Variants in TMEM68 observed in about 807,000 individuals in gnomAD.
The protein encoded by TMEM68 is DGAT1/2-independent enzyme synthesizing storage lipids.
A neutral mutation model predicts 36.9 loss-of-function variants in TMEM68; 25 were observed. That is an observed-to-expected ratio of 0.68 (90% CI 0.49 to 0.95). TMEM68 has a LOEUF of 0.95. Among genes scored for constraint, TMEM68 ranks in the 40% least tolerant of loss-of-function variants. The pLI, the probability that TMEM68 is intolerant of heterozygous loss-of-function variation, is 0.00. For synonymous variants in TMEM68, 131 were observed against 124.4 expected, an observed-to-expected ratio of 1.05 and a Z score of -0.35; for missense variants, 333 against 392.0, an observed-to-expected ratio of 0.85 and a Z score of 1.27.
chr8:55,770,733 T>C (rs547705528), intron 1 of TMEM68, among the ~76,000 whole-genome samples: 1 of 152,246 alleles, frequency 6.6e-6, no homozygotes, highest in Admixed American at 6.5e-5. Context: ...TACAATATTT[T>C]AGTTCTCAAA....
chr8:55,768,093 G>C (rs1046494676), intron 1 of TMEM68, among the ~76,000 whole-genome samples: 1 of 151,480 alleles, frequency 6.6e-6, no homozygotes, highest in Non-Finnish European at 1.5e-5. Context: ...AAATGCTGTT[G>C]ACAGGCCTAG....
chr8:55,759,562 ACT>A (rs1383538974), intron 3 of TMEM68, among the ~76,000 whole-genome samples: 1 of 151,968 alleles, frequency 6.6e-6, no homozygotes, highest in East Asian at 1.9e-4. Context: ...CAAGAGTGAG[ACT>A]CTGTCTCAAA....
chr8:55,762,447 T>C lies in TMEM68; in HGVS notation c.325+188A>G, dbSNP rs996135483. ...TCTTTGTTTAATGGAAACCAACGTC[T>C]ATGGGAAAACTCATTTTAAGAAAGA... On this transcript the variant is annotated intron_variant, in intron 3 of 7. Transcript: ENST00000434581. 9.4e-6 allele frequency: 11 copies of C among 1,171,628 alleles called. No individual in the cohort carries two copies. In the African/African-American group the frequency reaches 1.2e-4, roughly 13 times the overall value. 72.6% of individuals were successfully genotyped at this position (1,171,628 alleles called of 1,614,324 possible).
Position 55,767,958 on chromosome 8 carries a change from G to C in TMEM68, c.-114-3978C>G, listed in dbSNP as rs960005192. Among the ~76,000 whole-genome samples the C allele has an allele frequency of 1.2e-4, 19 of 152,088 alleles. 1 individual carries two copies. Among genetic ancestry groups the C allele is most frequent in the Middle Eastern group, 3.4e-3 (1 of 294 alleles). On this transcript the variant is annotated intron_variant, in intron 1 of 7. Transcript: ENST00000434581. The stretch of plus-strand genomic sequence containing the variant: ...TCTCAAAAAAAAAAAAGAATTTCCA[G>C]GACTGAGTCTTGAGGCACCCAACAT...
intron 1 of TMEM68, among the ~76,000 whole-genome samples, chr8:55,764,440 T>C (rs549441826): frequency 1.3e-5 from 2 of 152,362 alleles, no homozygotes; most frequent in East Asian, 3.8e-4. Context: ...TTTATCATTA[T>C]TCCATACTAT....
intron 2 of TMEM68, 142 bp from the exon 3 acceptor site, chr8:55,763,170 A>C: frequency 2.2e-6 from 1 of 451,314 alleles, no homozygotes; most frequent in Non-Finnish European, 3.8e-6. Flanking sequence ...GCAGATTTAA[A>C]TGTGAAAATT....
Position 55,745,091 on chromosome 8 carries a change from G to A in TMEM68, c.718C>T (p.Arg240Ter). 11 of 1,493,256 alleles carry A rather than the reference G, an allele frequency of 7.4e-6. No homozygotes were observed. Among genetic ancestry groups the A allele is most frequent in the South Asian group, 2.6e-5 (2 of 76,474 alleles). The allele number at this position is 1,493,256 out of a possible 1,614,324, so 92.5% of individuals were successfully genotyped here. The stretch of plus-strand genomic sequence containing the variant: ...CCTCCAAGTGATCTAAATCCTTCTC[G>A]AATATTTTGTGTAAACATAGGAATA... ...PIIPMFTQNI[R>*]EGFRSLGGTR... The change falls in exon 6 of 8, where the codon CGA becomes TGA. Residue 240 changes from arginine (R) to a stop codon, truncating the protein, a stop_gained. Coordinates refer to ENST00000434581, the MANE Select transcript of TMEM68 (RefSeq NM_001286657.2). LOFTEE classifies it high-confidence loss of function.
chr8:55,770,752 T>C (rs142512633), intron 1 of TMEM68, among the ~76,000 whole-genome samples: 43 of 152,266 alleles, frequency 2.8e-4, no homozygotes, highest in Admixed American at 2.8e-3. Context: ...AAATTCCAGG[T>C]TATTTTCTAC....
At chr8:55,748,611 A>G (rs762938177) in intron 5 of TMEM68, among the ~76,000 whole-genome samples, 1 of 151,792 alleles carries the variant, frequency 6.6e-6, no homozygotes, top group Non-Finnish European at 1.5e-5. Context: ...ATATATGTAT[A>G]ATTTTTTTAT....
intron 1 of TMEM68, among the ~76,000 whole-genome samples, chr8:55,766,129 G>A (rs1428190379): frequency 1.3e-5 from 2 of 152,096 alleles, no homozygotes; most frequent in Non-Finnish European, 2.9e-5. Flanking sequence ...ACGGGAGTAG[G>A]GGAAAGGAGG....
At chr8:55,760,971 T>C (rs1038679096) in intron 3 of TMEM68, 22 of 152,362 alleles carry the variant, frequency 1.4e-4, no homozygotes, top group Admixed American at 1.0e-3. Flanking sequence ...AAGGATTCTA[T>C]ACAGAATATT....
chr8:55,744,205 C>T (rs544883449), intron 6 of TMEM68, among the ~76,000 whole-genome samples: 9 of 127,452 alleles, frequency 7.1e-5, no homozygotes, highest in African/African-American at 2.6e-4. Flanking sequence ...AAAAACACAT[C>T]AAAGCAAATA....
intron 5 of TMEM68, among the ~76,000 whole-genome samples, chr8:55,749,941 T>C (rs2129940518): frequency 6.6e-6 from 1 of 152,314 alleles, no homozygotes; most frequent in East Asian, 1.9e-4. Flanking sequence ...CTCTGCATCA[T>C]TTATCTCTTT....
chr8:55,754,679 A>ATTATATATAAAATACATACTTAT (rs1224683606), intron 4 of TMEM68, among the ~76,000 whole-genome samples: 1 of 101,080 alleles, frequency 9.9e-6, no homozygotes, highest in Non-Finnish European at 1.9e-5. Context: ...TATATTATGT[A>ATTATATATAAAATACATACTTAT]ATATATATTA....
At chr8:55,745,182 T>G in intron 5 of TMEM68, 61 bp from the exon 6 acceptor site, 1 of 1,172,318 alleles carries the variant, frequency 8.5e-7, no homozygotes, top group Non-Finnish European at 1.1e-6. Flanking sequence ...ATGTCTCCAT[T>G]AGAGTAACTA....
At chr8:55,761,795 T>C (rs1810801304) in intron 3 of TMEM68, 1 of 152,224 alleles carries the variant, frequency 6.6e-6, no homozygotes, top group Admixed American at 6.5e-5. Context: ...AGTTCAGTGA[T>C]ATATATCCTC....
chr8:55,755,804 T>C (rs1480555781), intron 4 of TMEM68, among the ~76,000 whole-genome samples: 2 of 151,938 alleles, frequency 1.3e-5, no homozygotes, highest in African/African-American at 4.8e-5. Flanking sequence ...AAAATAACAA[T>C]ACCTGCTTAT....
intron 5 of TMEM68, among the ~76,000 whole-genome samples, chr8:55,748,517 G>A (rs745658343): frequency 1.7e-4 from 24 of 139,914 alleles, no homozygotes; most frequent in Non-Finnish European, 3.7e-4. Context: ...ATGTGTGTCT[G>A]TATGTAATGT....
chr8:55,757,312 G>A (rs1585723046), intron 3 of TMEM68, among the ~76,000 whole-genome samples: 1 of 152,192 alleles, frequency 6.6e-6, no homozygotes, highest in East Asian at 1.9e-4. Flanking sequence ...GGAAGAGGCA[G>A]ATGCCATAAA....
Sources: allele counts gnomAD v4.1 joint callset (sites outside exome capture counted in the v4.1 genomes callset), GRCh38; gene constraint gnomAD v4.1.1; transcripts MANE v1.5; gene names NCBI Gene and HGNC (gene_info 2026-07-23, HGNC 2026-07-21).